Variants in TBC1D30 observed in about 807,000 individuals in gnomAD.
TBC1D30 encodes TBC1 domain family, member 30.
In TBC1D30, 31 loss-of-function variants were observed where a neutral mutation model predicts 63.2. The ratio of observed to expected loss-of-function variants is 0.49; its 90% CI spans 0.37 to 0.66. The LOEUF is 0.66. TBC1D30 is among the 30% of genes least tolerant of loss of function. The probability of loss-of-function intolerance (pLI) is 0.00; values close to 1 mark genes in which losing one functional copy is unlikely to be tolerated. For missense variants in TBC1D30, 810 were observed against 953.6 expected, an observed-to-expected ratio of 0.85 and a Z score of 1.98; for synonymous variants, 307 against 361.5, an observed-to-expected ratio of 0.85 and a Z score of 1.71.
chr12:64,823,361 A>T (rs371295296), upstream of TBC1D30, among the ~76,000 whole-genome samples: 50 of 152,234 alleles, frequency 3.3e-4, 1 homozygote, highest in South Asian at 0.01. Flanking sequence ...CTTAAGAGAG[A>T]ATTATTTTTT....
At chr12:64,767,801 AGGG>A (rs370060179) in intron 1 of TBC1D30, among the ~76,000 whole-genome samples, 1 of 70,354 alleles carries the variant, frequency 1.4e-5, no homozygotes, top group East Asian at 4.0e-4. Context: ...GGGGGGGGGG[AGGG>A]GGGGGAGATA....
At chr12:64,813,338 C>T (rs987191124) in intron 2 of TBC1D30, among the ~76,000 whole-genome samples, 1 of 151,856 alleles carries the variant, frequency 6.6e-6, no homozygotes, top group Non-Finnish European at 1.5e-5. Flanking sequence ...TGCAGTGAGC[C>T]GAGATTGCGC....
At chr12:64,785,147 C>CTTTTTTTTTTTTTTTTT (rs3033154) in intron 1 of TBC1D30, among the ~76,000 whole-genome samples, 2 of 134,844 alleles carry the variant, frequency 1.5e-5, no homozygotes, top group African/African-American at 2.8e-5. Context: ...ACTTTAAAGA[C>CTTTTTTTTTTTTTTTTT]TTTTTTTTTT....
At chr12:64,818,944 A>C (rs1044198831) in intron 2 of TBC1D30, among the ~76,000 whole-genome samples, 1 of 152,238 alleles carries the variant, frequency 6.6e-6, no homozygotes, top group Non-Finnish European at 1.5e-5. Flanking sequence ...TTTTGAAGCA[A>C]GAAAATACTT....
At chr12:64,866,625 A>C (rs1253529936) in intron 9 of TBC1D30, 139 bp from the exon 10 acceptor site, 2 of 828,134 alleles carry the variant, frequency 2.4e-6, no homozygotes, top group African/African-American at 3.5e-5. Context: ...TTTTTAGCAG[A>C]GATGGGGTTT....
chr12:64,878,076 A>G lies in TBC1D30; in HGVS notation c.*2288A>G. 5.1e-6 allele frequency: 1 copy of G among 197,632 alleles called. No homozygotes were observed. The highest frequency in any genetic ancestry group is 5.3e-5 in the Admixed American group (1 of 18,898). The allele number at this position is 197,632 out of a possible 1,614,324, so 12.2% of individuals were successfully genotyped here. A position where few individuals can be genotyped will look rare whatever the true frequency, so the allele number is the denominator to read the frequency against. ...GAGAAGGGGATGGATGAGGTAACACACAGTTTGGGATACGTATCTGTTGAA... is the reference window on the plus strand; with the variant it reads ...GAGAAGGGGATGGATGAGGTAACACGCAGTTTGGGATACGTATCTGTTGAA... On this transcript the variant is annotated 3_prime_UTR_variant, in exon 12 of 12. Coordinates refer to ENST00000539867, the MANE Select transcript of TBC1D30 (RefSeq NM_015279.2).
At chr12:64,767,022 A>G (rs549539039) in intron 1 of TBC1D30, among the ~76,000 whole-genome samples, 1 of 152,258 alleles carries the variant, frequency 6.6e-6, no homozygotes, top group African/African-American at 2.4e-5. Context: ...ACAGCATACT[A>G]AAACTTGGGA....
Position 64,878,272 on chromosome 12 carries a change from A to G in TBC1D30, c.*2484A>G. Reference sequence around the variant, plus strand: ...AATTTATGAGCCTTGCCTACTTTAGAAAATAAAGAAACCTGCAGTAGCCTC... The same window carrying G: ...AATTTATGAGCCTTGCCTACTTTAGGAAATAAAGAAACCTGCAGTAGCCTC... On this transcript the variant is annotated 3_prime_UTR_variant, in exon 12 of 12. Transcript: ENST00000539867. 3.0e-6 allele frequency: 1 copy of G among 330,544 alleles called. No homozygotes were observed. The highest frequency in any genetic ancestry group is 6.0e-6 in the Non-Finnish European group (1 of 165,944). The allele number at this position is 330,544 out of a possible 1,614,324, so 20.5% of individuals were successfully genotyped here.
At chr12:64,831,593 GTCTT>G (rs1874867924) in intron 4 of TBC1D30, among the ~76,000 whole-genome samples, 1 of 152,072 alleles carries the variant, frequency 6.6e-6, no homozygotes, top group African/African-American at 2.4e-5. Context: ...AAATATTTCT[GTCTT>G]TCTTATATAC....
At position 64,836,478 on chromosome 12, in the gene TBC1D30, T is replaced by C; in HGVS notation, c.595-12T>C. ...TACAAAGCAGTCTTAAGCTTTATCT[T>C]TTTTTCTTTAGATTATGATTTACCT... On this transcript the variant is annotated splice_polypyrimidine_tract_variant and intron_variant, in intron 5 of 11. Coordinates refer to ENST00000539867, the MANE Select transcript of TBC1D30 (RefSeq NM_015279.2). 6.5e-7 allele frequency: 1 copy of C among 1,531,762 alleles called. No homozygotes were observed. The highest frequency in any genetic ancestry group is 8.7e-7 in the Non-Finnish European group (1 of 1,144,086). The allele number at this position is 1,531,762 out of a possible 1,614,324, so 94.9% of individuals were successfully genotyped here.
chr12:64,856,827 T>A (rs1877343625), intron 8 of TBC1D30, among the ~76,000 whole-genome samples: 1 of 152,058 alleles, frequency 6.6e-6, no homozygotes. Context: ...TTCCTGCTCT[T>A]CCCTCCCCAT....
At chr12:64,795,274 G>T (rs1009653801) in intron 2 of TBC1D30, among the ~76,000 whole-genome samples, 1 of 152,174 alleles carries the variant, frequency 6.6e-6, no homozygotes, top group African/African-American at 2.4e-5. Context: ...AGGTCTGGCT[G>T]CTGGTATTTT....
At chr12:64,824,592 GCGCT>G (rs58764736), upstream of TBC1D30, 5,144 of 322,938 alleles carry the variant, frequency 0.016, 232 homozygotes, top group African/African-American at 0.1. Flanking sequence ...CGTCTCCCAC[GCGCT>G]CGCTCGCTCG....
chr12:64,840,070 G>A (rs1299043177), intron 7 of TBC1D30, among the ~76,000 whole-genome samples: 2 of 148,250 alleles, frequency 1.3e-5, no homozygotes, highest in African/African-American at 5.0e-5. Context: ...AATTATTATT[G>A]TGTGTATTTT....
At chr12:64,808,489 C>T (rs17764405) in intron 2 of TBC1D30, among the ~76,000 whole-genome samples, 8,160 of 152,284 alleles carry the variant, frequency 0.054, 334 homozygotes, top group Admixed American at 0.11. Flanking sequence ...TGAACTATAC[C>T]TTGGAAGATA....
intron 2 of TBC1D30, among the ~76,000 whole-genome samples, chr12:64,791,466 T>A (rs544631292): frequency 6.6e-6 from 1 of 152,336 alleles, no homozygotes; most frequent in African/African-American, 2.4e-5. Context: ...AATTATTTTT[T>A]AAAGACAGTC....
chr12:64,835,875 A>T (rs1486237467), intron 5 of TBC1D30, among the ~76,000 whole-genome samples: 3 of 152,196 alleles, frequency 2.0e-5, no homozygotes, highest in African/African-American at 7.2e-5. Flanking sequence ...AAGTAGAAAA[A>T]TCAAAATGAA....
In TBC1D30 at chr12:64,876,112, T is replaced by C. The variant is rs1190021318; in HGVS notation, c.*324T>C. Reference sequence around the variant, plus strand: ...TGTTAACTCTCGTCCATCCTTCTGTTCTGGGGGCCTTCAGAGTCCCTGTGA... The same window carrying C: ...TGTTAACTCTCGTCCATCCTTCTGTCCTGGGGGCCTTCAGAGTCCCTGTGA... On this transcript the variant is annotated 3_prime_UTR_variant, in exon 12 of 12. Coordinates refer to ENST00000539867, the MANE Select transcript of TBC1D30 (RefSeq NM_015279.2). 8.5e-6 allele frequency: 2 copies of C among 236,410 alleles called. No individual in the cohort carries two copies. The highest frequency in any genetic ancestry group is 4.6e-5 in the African/African-American group (2 of 43,716). 14.6% of individuals were successfully genotyped at this position (236,410 alleles called of 1,614,324 possible).
At chr12:64,789,181 CTTCT>C (rs1565642596) in intron 2 of TBC1D30, among the ~76,000 whole-genome samples, 2 of 127,184 alleles carry the variant, frequency 1.6e-5, no homozygotes, top group Non-Finnish European at 1.6e-5. Flanking sequence ...CCTTCTTCTT[CTTCT>C]TTTTTTTTTT....
Sources: gnomAD v4.1 joint callset for allele counts (sites outside exome capture counted in the v4.1 genomes callset) on GRCh38, gnomAD v4.1.1 for gene constraint, MANE v1.5 for transcripts, NCBI Gene and HGNC (gene_info 2026-07-23, HGNC 2026-07-21) for gene names.